AGTPBP1: variants seen among roughly 807,000 people sequenced by gnomAD.
The protein encoded by AGTPBP1 is ATP/GTP binding carboxypeptidase 1, also known as cytosolic carboxypeptidase 1.
A neutral mutation model predicts 143.9 loss-of-function variants in AGTPBP1; 70 were observed. That is an observed-to-expected ratio of 0.49 (90% CI 0.40 to 0.59). The LOEUF is 0.59. Among genes scored for constraint, AGTPBP1 ranks in the 20% least tolerant of loss-of-function variants. The probability of loss-of-function intolerance (pLI) is 0.00; values close to 1 mark genes in which losing one functional copy is unlikely to be tolerated. For missense variants in AGTPBP1, 1,229 were observed against 1,464.5 expected (o/e 0.84, Z 2.62); for synonymous variants, 463 against 500.2 (o/e 0.93, Z 0.99).
intron 14 of AGTPBP1, among the ~76,000 whole-genome samples, chr9:85,631,969 C>G (rs1332765179): frequency 1.3e-5 from 2 of 152,122 alleles, no homozygotes; most frequent in African/African-American, 4.8e-5. Context: ...GTACTTTTAT[C>G]TATTTCCAAT....
At chr9:85,728,532 A>C (rs1838672987) in intron 1 of AGTPBP1, among the ~76,000 whole-genome samples, 1 of 152,188 alleles carries the variant, frequency 6.6e-6, no homozygotes, top group South Asian at 2.1e-4. Flanking sequence ...GTTTTTTCTT[A>C]CTTAACAAGC....
chr9:85,679,483 C>T (rs187198883), intron 4 of AGTPBP1, among the ~76,000 whole-genome samples: 1 of 152,230 alleles, frequency 6.6e-6, no homozygotes, highest in African/African-American at 2.4e-5. Context: ...TCTCGGCTCA[C>T]TGCAAGCTCC....
At chr9:85,580,179 G>A (rs1190963514) in intron 23 of AGTPBP1, among the ~76,000 whole-genome samples, 6 of 150,732 alleles carry the variant, frequency 4.0e-5, no homozygotes, top group South Asian at 2.1e-4. Flanking sequence ...CAGAGGTTGC[G>A]TGAGCCGAGA....
At chr9:85,724,494 T>C (rs933112489) in intron 1 of AGTPBP1, among the ~76,000 whole-genome samples, 1 of 152,170 alleles carries the variant, frequency 6.6e-6, no homozygotes. Context: ...GCTCAATATA[T>C]GCCACATCAT....
intron 2 of AGTPBP1, among the ~76,000 whole-genome samples, chr9:85,695,012 C>T (rs1301369146): frequency 2.6e-5 from 4 of 152,188 alleles, no homozygotes; most frequent in African/African-American, 9.7e-5. Flanking sequence ...TACTATATGA[C>T]TACCCACATC....
At chr9:85,619,685 C>A (rs1830799880) in intron 15 of AGTPBP1, among the ~76,000 whole-genome samples, 1 of 152,186 alleles carries the variant, frequency 6.6e-6, no homozygotes, top group Admixed American at 6.5e-5. Context: ...ATTTGAAGAG[C>A]TAAATTACCT....
At chr9:85,579,932 A>C (rs1162888981) in intron 23 of AGTPBP1, among the ~76,000 whole-genome samples, 1 of 151,886 alleles carries the variant, frequency 6.6e-6, no homozygotes, top group Non-Finnish European at 1.5e-5. Flanking sequence ...TAAATAGTAA[A>C]CATGGAACTG....
chr9:85,718,427 G>T (rs866602786), intron 1 of AGTPBP1, among the ~76,000 whole-genome samples: 11 of 152,166 alleles, frequency 7.2e-5, no homozygotes, highest in South Asian at 2.1e-4. Flanking sequence ...CAGTGATAAC[G>T]AGCATTTTTT....
intron 1 of AGTPBP1, chr9:85,741,497 A>C (rs1299604553): frequency 1.0e-6 from 1 of 985,116 alleles, no homozygotes; most frequent in Admixed American, 6.1e-5. Flanking sequence ...TACCCTCCGC[A>C]AGGTCTGGGA....
intron 13 of AGTPBP1, among the ~76,000 whole-genome samples, chr9:85,634,152 C>T (rs1410653445): frequency 6.8e-6 from 1 of 146,794 alleles, no homozygotes; most frequent in Non-Finnish European, 1.5e-5. Context: ...CGAGATCATG[C>T]CACTGCACTC....
chr9:85,661,036 A>T, intron 8 of AGTPBP1, 63 bp from the exon 9 acceptor site: 1 of 1,323,782 alleles, frequency 7.6e-7, no homozygotes, highest in South Asian at 1.4e-5. Flanking sequence ...TACAATAGTA[A>T]ATTCATACAA....
intron 25 of AGTPBP1, among the ~76,000 whole-genome samples, chr9:85,573,615 TGAG>T (rs199734257): frequency 0.013 from 1,864 of 146,188 alleles, 18 homozygotes; most frequent in Non-Finnish European, 0.02. Flanking sequence ...GTCTGGAAAG[TGAG>T]GAGCGTCTCT....
chr9:85,679,908 T>C (rs578257534), intron 4 of AGTPBP1, among the ~76,000 whole-genome samples: 1 of 152,308 alleles, frequency 6.6e-6, no homozygotes, highest in African/African-American at 2.4e-5. Context: ...TCATCTCTCT[T>C]TCTCTAGTAT....
chr9:85,739,704 G>A (rs1168486443), intron 1 of AGTPBP1, among the ~76,000 whole-genome samples: 2 of 135,550 alleles, frequency 1.5e-5, no homozygotes, highest in South Asian at 2.4e-4. Context: ...GCGAAACTCC[G>A]TCTCAAAAAA....
At chr9:85,785,566 C>T in the AGTPBP1 span, among the ~76,000 whole-genome samples, 1 of 152,224 alleles carries the variant, frequency 6.6e-6, no homozygotes, top group Non-Finnish European at 1.5e-5. Flanking sequence ...ATTCTCTCAT[C>T]TCCATTTCGA....
intron 1 of AGTPBP1, among the ~76,000 whole-genome samples, chr9:85,717,174 A>T (rs574036977): frequency 6.6e-6 from 1 of 152,252 alleles, no homozygotes; most frequent in South Asian, 2.1e-4. Context: ...TCTTCTTCCA[A>T]AGCACTTACT....
chr9:85,778,370 G>C, the AGTPBP1 span, among the ~76,000 whole-genome samples: 1 of 152,156 alleles, frequency 6.6e-6, no homozygotes, highest in Non-Finnish European at 1.5e-5. Context: ...AAGATGGCGG[G>C]GCCTTGCTCC....
chr9:85,637,071 C>T (rs1051484418), intron 13 of AGTPBP1, among the ~76,000 whole-genome samples: 4 of 138,742 alleles, frequency 2.9e-5, no homozygotes, highest in Non-Finnish European at 4.6e-5. Flanking sequence ...GACAGAGTTT[C>T]GCTCTTGTTG....
chr9:85,589,049 T>C (rs778040606), intron 20 of AGTPBP1, among the ~76,000 whole-genome samples: 2 of 152,120 alleles, frequency 1.3e-5, no homozygotes, highest in Non-Finnish European at 2.9e-5. Flanking sequence ...CGCCTTCTTA[T>C]CAAAATTGAA....
Sources: allele counts gnomAD v4.1 joint callset (sites outside exome capture counted in the v4.1 genomes callset), GRCh38; gene constraint gnomAD v4.1.1; transcripts MANE v1.5; gene names NCBI Gene and HGNC (gene_info 2026-07-23, HGNC 2026-07-21).